The following NKAIN2 variants were observed in gnomAD, a reference collection of about 807,000 sequenced individuals.
NKAIN2 encodes sodium/potassium-transporting ATPase subunit beta-1-interacting protein 2.
A neutral mutation model predicts 32.6 loss-of-function variants in NKAIN2; 14 were observed. The observed-to-expected ratio is 0.43, with a 90% CI of 0.28 to 0.67. NKAIN2 has a LOEUF of 0.67. Ranked by LOEUF, NKAIN2 falls within the 30% of genes least tolerant of loss-of-function variation. The probability of loss-of-function intolerance (pLI) is 0.17; values close to 1 mark genes in which losing one functional copy is unlikely to be tolerated. For synonymous variants in NKAIN2, 80 were observed against 87.2 expected (o/e 0.92, Z 0.46); for missense variants, 198 against 258.3 (o/e 0.77, Z 1.60).
chr6:123,965,698 G>A (rs1385822882), intron 1 of NKAIN2, among the ~76,000 whole-genome samples: 1 of 152,076 alleles, frequency 6.6e-6, no homozygotes, highest in East Asian at 1.9e-4. Flanking sequence ...ATCCCTATCA[G>A]AATACTATCT....
At chr6:123,868,155 AC>A (rs1240479913) in intron 1 of NKAIN2, among the ~76,000 whole-genome samples, 4 of 152,194 alleles carry the variant, frequency 2.6e-5, no homozygotes, top group African/African-American at 9.7e-5. Context: ...GGCGTGAGCC[AC>A]TGTGCCCAGC....
intron 3 of NKAIN2, among the ~76,000 whole-genome samples, chr6:124,395,937 A>G (rs912074779): frequency 2.0e-5 from 3 of 152,162 alleles, no homozygotes; most frequent in African/African-American, 7.2e-5. Flanking sequence ...ACTGTGTTCA[A>G]CAAATACTTA....
intron 3 of NKAIN2, among the ~76,000 whole-genome samples, chr6:124,418,339 G>T (rs1774588818): frequency 6.6e-6 from 1 of 151,860 alleles, no homozygotes; most frequent in African/African-American, 2.4e-5. Context: ...ATAATATTTT[G>T]TTGTATGACA....
intron 1 of NKAIN2, among the ~76,000 whole-genome samples, chr6:124,276,606 A>G (rs139840740): frequency 3.9e-5 from 6 of 152,302 alleles, no homozygotes; most frequent in African/African-American, 1.4e-4. Context: ...GATCTTGTCC[A>G]CTACGAACAA....
At chr6:124,273,258 G>C (rs1489343239) in intron 1 of NKAIN2, among the ~76,000 whole-genome samples, 2 of 152,036 alleles carry the variant, frequency 1.3e-5, no homozygotes, top group South Asian at 4.2e-4. Flanking sequence ...TGGTGGGGTC[G>C]ATTGGATCCT....
chr6:124,040,254 A>G (rs1268743461), intron 1 of NKAIN2, among the ~76,000 whole-genome samples: 1 of 151,898 alleles, frequency 6.6e-6, no homozygotes, highest in Non-Finnish European at 1.5e-5. Flanking sequence ...ATATTTATGT[A>G]AGATTTTGTT....
Position 123,841,792 on chromosome 6 carries a change from A to G in NKAIN2, c.54+37538A>G, listed in dbSNP as rs145895595. ...AGCAAAAGGAAAACCAACAAAGCTAACAGTAGCAATAGTCAAGGGATCCTC... is the reference window on the plus strand; with the variant it reads ...AGCAAAAGGAAAACCAACAAAGCTAGCAGTAGCAATAGTCAAGGGATCCTC... On this transcript the variant is annotated intron_variant, in intron 1 of 6. Coordinates refer to ENST00000368417, the MANE Select transcript of NKAIN2 (RefSeq NM_001040214.3). 9.9e-4 allele frequency among the ~76,000 whole-genome samples: 151 copies of G among 152,266 alleles called. 2 individuals are homozygous for G. The highest frequency in any genetic ancestry group is 3.6e-3 in the African/African-American group (148 of 41,556).
At chr6:124,584,255 A>G (rs1244705590) in intron 3 of NKAIN2, among the ~76,000 whole-genome samples, 1 of 152,228 alleles carries the variant, frequency 6.6e-6, no homozygotes, top group African/African-American at 2.4e-5. Flanking sequence ...CTGAGAAGGA[A>G]TTGGTAATCA....
At chr6:124,634,981 G>A (rs899442452) in intron 3 of NKAIN2, among the ~76,000 whole-genome samples, 1 of 143,990 alleles carries the variant, frequency 6.9e-6, no homozygotes, top group Non-Finnish European at 1.5e-5. Flanking sequence ...GAAAGAAAGA[G>A]AAAGAAGAGA....
chr6:124,188,527 A>G (rs1218985663), intron 1 of NKAIN2, among the ~76,000 whole-genome samples: 1 of 152,224 alleles, frequency 6.6e-6, no homozygotes, highest in Non-Finnish European at 1.5e-5. Flanking sequence ...TTAGTGTTTG[A>G]TTGAATAACT....
At chr6:123,922,999 C>A (rs955531020) in intron 1 of NKAIN2, among the ~76,000 whole-genome samples, 1 of 152,086 alleles carries the variant, frequency 6.6e-6, no homozygotes, top group African/African-American at 2.4e-5. Context: ...CATTTGTGGG[C>A]TCTAGAGTCA....
chr6:124,796,043 G>A (rs890257795), intron 5 of NKAIN2, among the ~76,000 whole-genome samples: 1 of 152,020 alleles, frequency 6.6e-6, no homozygotes, highest in African/African-American at 2.4e-5. Context: ...CAGGCCAGCT[G>A]GTTGTGCAGA....
intron 1 of NKAIN2, 46 bp downstream of exon 1, chr6:123,804,300 T>G: frequency 6.6e-7 from 1 of 1,514,412 alleles, no homozygotes; most frequent in Non-Finnish European, 9.2e-7. Context: ...GTCTTTGAGA[T>G]AGTGGGCAGG....
chr6:124,329,324 T>C (rs573866675), intron 2 of NKAIN2, among the ~76,000 whole-genome samples: 1 of 152,330 alleles, frequency 6.6e-6, no homozygotes, highest in Admixed American at 6.5e-5. Flanking sequence ...CTGGACCCAA[T>C]GATGATCAGG....
At chr6:123,819,394 A>G (rs1347701169) in intron 1 of NKAIN2, among the ~76,000 whole-genome samples, 2 of 152,180 alleles carry the variant, frequency 1.3e-5, no homozygotes, top group Admixed American at 1.3e-4. Flanking sequence ...CTTTCTGTCT[A>G]GCCTAATTAA....
chr6:124,481,762 A>G (rs910499274), intron 3 of NKAIN2, among the ~76,000 whole-genome samples: 5 of 152,104 alleles, frequency 3.3e-5, no homozygotes, highest in Non-Finnish European at 7.4e-5. Context: ...TAAGAGAGAA[A>G]CTTTGAAATC....
chr6:123,874,917 A>ATG lies in NKAIN2; in HGVS notation c.54+70677_54+70678dup, dbSNP rs1216032101. On this transcript the variant is annotated intron_variant, in intron 1 of 6. Coordinates refer to ENST00000368417, the MANE Select transcript of NKAIN2 (RefSeq NM_001040214.3). ...CATACATACATACATACATATATAT[A>ATG]TGTGTGTGTGTGTGTACATACACCT... 6.4e-3 allele frequency among the ~76,000 whole-genome samples: 966 copies of ATG among 151,600 alleles called. 13 individuals carry two copies. The highest frequency in any genetic ancestry group is 0.022 in the African/African-American group (911 of 41,376).
At chr6:123,906,362 C>A (rs549201284) in intron 1 of NKAIN2, among the ~76,000 whole-genome samples, 1 of 151,884 alleles carries the variant, frequency 6.6e-6, no homozygotes, top group South Asian at 2.1e-4. Context: ...GGCTCACTGG[C>A]TCACTGCGGT....
At chr6:124,385,955 A>C (rs1772880620) in intron 3 of NKAIN2, among the ~76,000 whole-genome samples, 1 of 152,202 alleles carries the variant, frequency 6.6e-6, no homozygotes, top group Admixed American at 6.5e-5. Flanking sequence ...TAAGACACTT[A>C]TGTAAGCAAT....
Sources: gnomAD v4.1 joint callset for allele counts (sites outside exome capture counted in the v4.1 genomes callset) on GRCh38, gnomAD v4.1.1 for gene constraint, MANE v1.5 for transcripts, NCBI Gene and HGNC (gene_info 2026-07-23, HGNC 2026-07-21) for gene names.